The following EPAS1 variants were observed in gnomAD, a reference collection of about 807,000 sequenced individuals.
EPAS1 encodes the protein endothelial PAS domain-containing protein 1.
Under a neutral mutation model 87.9 loss-of-function variants are expected in EPAS1, and 23 were observed. The observed-to-expected ratio is 0.26, with a 90% CI of 0.19 to 0.37. EPAS1 has a LOEUF of 0.37. Ranked by LOEUF, EPAS1 falls within the 10% of genes least tolerant of loss-of-function variation. The pLI is 1.00. For synonymous variants in EPAS1, 508 were observed against 444.3 expected (o/e 1.14, Z -1.80); for missense variants, 1,138 against 1,120.7 (o/e 1.02, Z -0.22).
chr2:46,333,155 C>T (rs372018813), intron 1 of EPAS1, among the ~76,000 whole-genome samples: 1 of 152,158 alleles, frequency 6.6e-6, no homozygotes, highest in African/African-American at 2.4e-5. Flanking sequence ...CTTTATTAAT[C>T]CACTTTCTAC....
chr2:46,315,030 CCT>C (rs1396865790), intron 1 of EPAS1, among the ~76,000 whole-genome samples: 1 of 152,066 alleles, frequency 6.6e-6, no homozygotes, highest in Non-Finnish European at 1.5e-5. Flanking sequence ...CACTGCACTC[CCT>C]CTGTGCCTCA....
chr2:46,367,519 T>G (rs906544321), intron 6 of EPAS1, among the ~76,000 whole-genome samples: 1 of 152,258 alleles, frequency 6.6e-6, no homozygotes, highest in Non-Finnish European at 1.5e-5. Context: ...CTGTTCTGTC[T>G]CCTTGTTCCC....
In EPAS1 at chr2:46,346,852, A is replaced by G. The variant is rs1021603049; in HGVS notation, c.27-21A>G. ...GGCTGACAGTAACCTTTCCGGGACT[A>G]ACCCCTTCTTCTCCACTTAGGAGTA... On this transcript the variant is annotated intron_variant, in intron 1 of 15. Transcript: ENST00000263734. The surrounding 1 kb of genome is among the most constrained non-coding windows in gnomAD (Gnocchi z 4.0). 1.2e-6 allele frequency: 2 copies of G among 1,613,982 alleles called. No homozygotes were observed. Among genetic ancestry groups the G allele is most frequent in the Non-Finnish European group, 1.7e-6 (2 of 1,179,904 alleles).
rs1433604331 is a variant in EPAS1 at position 46,376,572 on chromosome 2, G to A, written c.1068G>A (p.Met356Ile). The A allele has an allele frequency of 1.9e-6, 3 of 1,614,040 alleles. No individual in the cohort carries two copies. ...EIEKNDVVFS[M>I]DQTESLFKPH... ...AGAAGAATGACGTGGTGTTCTCCATGGACCAGACTGAATCCCTGTTCAAGC... is the reference window on the plus strand; with the variant it reads ...AGAAGAATGACGTGGTGTTCTCCATAGACCAGACTGAATCCCTGTTCAAGC... Residue 356 changes from methionine (M) to isoleucine (I), a missense_variant, in exon 9 of 16, where the codon ATG becomes ATA. This residue lies in a region of EPAS1 where 284 missense variants were observed against 258.4 expected (regional missense o/e 1.10). Coordinates refer to ENST00000263734, the MANE Select transcript of EPAS1 (RefSeq NM_001430.5).
At chr2:46,348,480 C>T (rs1159926545) in intron 2 of EPAS1, among the ~76,000 whole-genome samples, 1 of 152,184 alleles carries the variant, frequency 6.6e-6, no homozygotes, top group Non-Finnish European at 1.5e-5. Flanking sequence ...ATCATCTTTA[C>T]ATAAAAAGAG....
At chr2:46,365,035 A>G (rs987361523) in intron 6 of EPAS1, among the ~76,000 whole-genome samples, 2 of 152,224 alleles carry the variant, frequency 1.3e-5, no homozygotes, top group African/African-American at 2.4e-5. Context: ...TAACTTTAAA[A>G]TAGGGTGGTT....
rs1182383125 is a variant in EPAS1, at chr2:46,384,569, G to C, written c.2522G>C (p.Arg841Thr). The C allele has an allele frequency of 3.7e-6, 6 of 1,614,062 alleles. No homozygotes were observed. Among genetic ancestry groups the C allele is most frequent in the East Asian group, 2.2e-5 (1 of 44,892 alleles). ...TCCTACCTGCTGCCCGAACTGACCA[G>C]ATATGACTGTGAGGTGAACGTGCCC... ...FESYLLPELT[R>T]YDCEVNVPVL... Residue 841 changes from arginine (R) to threonine (T), a missense_variant, in exon 16 of 16, where the codon AGA becomes ACA. Physicochemically the swap from Arg to Thr is moderately conservative, Grantham distance 71. Coordinates refer to ENST00000263734, the MANE Select transcript of EPAS1 (RefSeq NM_001430.5).
In EPAS1 at chr2:46,371,882, G is replaced by A. The variant is rs773219975; in HGVS notation, c.886+1949G>A. ...TAAAAATTTCTGGGAATTCTTGGAG[G>A]ACAGTATTACCTTTTATCTTGTAGG... On this transcript the variant is annotated intron_variant, in intron 7 of 15. Transcript: ENST00000263734. The surrounding 1 kb of genome is among the most constrained non-coding windows in gnomAD (Gnocchi z 4.3). Among the ~76,000 whole-genome samples the A allele has an allele frequency of 4.6e-5, 7 of 152,168 alleles. No homozygotes were observed. The highest frequency in any genetic ancestry group is 8.8e-5 in the Non-Finnish European group (6 of 68,034).
At chr2:46,376,046 T>TC (rs1684739929) in intron 8 of EPAS1, among the ~76,000 whole-genome samples, 1 of 152,166 alleles carries the variant, frequency 6.6e-6, no homozygotes, top group South Asian at 2.1e-4. Flanking sequence ...GATTTTTTTT[T>TC]CTGCGCTTTC....
rs202074818 is a variant in EPAS1 at position 46,356,174 on chromosome 2, G to A, written c.241G>A (p.Ala81Thr). Residue 81 changes from alanine (A) to threonine (T), a missense_variant, in exon 3 of 16, where the codon GCC becomes ACC. By Grantham distance (58) the Ala-to-Thr change is moderately conservative. This residue lies in a region of EPAS1 where 351 missense variants were observed against 417.1 expected (regional missense o/e 0.84). Coordinates refer to ENST00000263734, the MANE Select transcript of EPAS1 (RefSeq NM_001430.5). The stretch of plus-strand genomic sequence containing the variant: ...AGTTTGCTCTGAAAACGAGTCCGAA[G>A]CCGAAGCTGACCAGCAGATGGACAA... ...SSVCSENESE[A>T]EADQQMDNLY... 5 of 1,497,410 alleles carry A rather than the reference G, an allele frequency of 3.3e-6. No homozygotes were observed. The Admixed American group carries it at 9.1e-5, about 27-fold the overall frequency. The allele number at this position is 1,497,410 out of a possible 1,614,324, so 92.8% of individuals were successfully genotyped here.
In EPAS1 at chr2:46,323,396, A is replaced by C. The variant is rs186796951; in HGVS notation, c.27-23477A>C. 2.3e-4 allele frequency among the ~76,000 whole-genome samples: 35 copies of C among 152,370 alleles called. No homozygotes were observed. In the East Asian group the frequency reaches 6.5e-3, roughly 28 times the overall value. ...TCCACACCTGATGAGGTCTTTTAAC[A>C]AATGGATGGGAGGAATAAACAAGAC... On this transcript the variant is annotated intron_variant, in intron 1 of 15. Coordinates refer to ENST00000263734, the MANE Select transcript of EPAS1 (RefSeq NM_001430.5).
At chr2:46,376,482 GAGC>G in intron 8 of EPAS1, 54 bp from the exon 9 acceptor site, 6 of 1,576,554 alleles carry the variant, frequency 3.8e-6, no homozygotes, top group Non-Finnish European at 1.7e-6. Context: ...GCATCTAGGG[GAGC>G]AGAATTTTTC....
At position 46,380,688 on chromosome 2, in the gene EPAS1, T is replaced by C. The variant is rs2103673923; in HGVS notation, c.2016T>C (p.Ser672=). 6.2e-7 allele frequency: 1 copy of C among 1,613,342 alleles called. No individual in the cohort carries two copies. The highest frequency in any genetic ancestry group is 8.5e-7 in the Non-Finnish European group (1 of 1,179,982). Residue 672 remains serine, a synonymous_variant, in exon 12 of 16, where the codon TCT becomes TCC. Coordinates refer to ENST00000263734, the MANE Select transcript of EPAS1 (RefSeq NM_001430.5). This position sits in a 1 kb window ranked among gnomAD's most constrained non-coding sequence, Gnocchi z 4.4. ...LGAAPLGPPV[S]PPHVSTFKTR... ...CAGCGCCGTTGGGGCCCCCTGTCTCTCCACCCCATGTCTCCACCTTCAAGA... is the reference window on the plus strand; with the variant it reads ...CAGCGCCGTTGGGGCCCCCTGTCTCCCCACCCCATGTCTCCACCTTCAAGA...
chr2:46,327,424 A>G (rs970029577), intron 1 of EPAS1, among the ~76,000 whole-genome samples: 8 of 152,188 alleles, frequency 5.3e-5, no homozygotes, highest in African/African-American at 1.9e-4. Flanking sequence ...AATGGACCAG[A>G]GTAGTCAGGA....
chr2:46,325,567 T>TGTATGG (rs999725738), intron 1 of EPAS1, among the ~76,000 whole-genome samples: 25 of 152,230 alleles, frequency 1.6e-4, no homozygotes, highest in Middle Eastern at 3.4e-3. Flanking sequence ...GCAGGGTAAT[T>TGTATGG]GTATGGTAGC....
At chr2:46,379,833 CCA>C (rs1037279049) in intron 11 of EPAS1, 3 of 283,112 alleles carry the variant, frequency 1.1e-5, no homozygotes, top group African/African-American at 6.5e-5. Flanking sequence ...CAAAAAAAAG[CCA>C]CAGTGTGCAC....
In EPAS1 at chr2:46,360,738, C is replaced by T. The variant is rs766114290; in HGVS notation, c.555C>T (p.Leu185=). 1.2e-6 allele frequency: 2 copies of T among 1,614,068 alleles called. No individual in the cohort carries two copies. The highest frequency in any genetic ancestry group is 3.3e-5 in the Admixed American group (2 of 60,030). The change falls in exon 5 of 16, where the codon CTC becomes CTT. Residue 185 remains leucine, a synonymous_variant. Transcript: ENST00000263734. This position sits in a 1 kb window ranked among gnomAD's most constrained non-coding sequence, Gnocchi z 4.5. ...CCAACAGAGGCCGTACTGTCAACCT[C>T]AAGTCAGCCACCTGGAAGGTAGGGC... The part of the protein sequence containing the change: ...TVTNRGRTVN[L]KSATWKVLHC...
chr2:46,381,384 G>A, intron 12 of EPAS1: 2 of 696,616 alleles, frequency 2.9e-6, no homozygotes, highest in Non-Finnish European at 4.9e-6. Flanking sequence ...CAGACCAGGA[G>A]GCTTGAGCCC....
At position 46,360,612 on chromosome 2, in the gene EPAS1, G is replaced by A; in HGVS notation, c.455-26G>A. The A allele has an allele frequency of 6.2e-7, 1 of 1,600,242 alleles. No individual in the cohort carries two copies. Among genetic ancestry groups the A allele is most frequent in the African/African-American group, 1.3e-5 (1 of 74,768 alleles). Reference sequence around the variant, plus strand: ...TATCCATATAAAACTGACTTCAGCTGGTTCTTCCCATCCTTCCACATCCAG... The same window carrying A: ...TATCCATATAAAACTGACTTCAGCTAGTTCTTCCCATCCTTCCACATCCAG... On this transcript the variant is annotated intron_variant, in intron 4 of 15. Transcript: ENST00000263734. This position sits in a 1 kb window ranked among gnomAD's most constrained non-coding sequence, Gnocchi z 4.5.
Sources: allele counts gnomAD v4.1 joint callset (sites outside exome capture counted in the v4.1 genomes callset), GRCh38; gene constraint gnomAD v4.1.1; regional missense constraint gnomAD v4.1.1; non-coding constraint Gnocchi (gnomAD v3.1); transcripts MANE v1.5; gene names NCBI Gene and HGNC (gene_info 2026-07-23, HGNC 2026-07-21).